Variants in ZNF880 observed in about 807,000 individuals in gnomAD.
The protein encoded by ZNF880 is zinc finger protein LOC400713.
ZNF880 carries 12 observed loss-of-function variants against 11.8 expected under a neutral mutation model. The ratio of observed to expected loss-of-function variants is 1.02; its 90% CI spans 0.65 to 1.65. The LOEUF (loss-of-function observed/expected upper bound fraction) is 1.65. Ranked by LOEUF, ZNF880 falls within the 40% of genes most tolerant of loss-of-function variation. The pLI is 0.00. For synonymous variants in ZNF880, 210 were observed against 232.4 expected (o/e 0.90, Z 0.88); for missense variants, 601 against 673.9 (o/e 0.89, Z 1.20).
At chr19:52,387,710 A>G (rs1986923509), downstream of ZNF880, among the ~76,000 whole-genome samples, 1 of 143,094 alleles carries the variant, frequency 7.0e-6, no homozygotes, top group African/African-American at 2.7e-5. Context: ...CGGCCTCCCA[A>G]AGTGCTAGGA....
chr19:52,367,318 T>G (rs1986157501), upstream of ZNF880: 1 of 152,584 alleles, frequency 6.6e-6, no homozygotes, highest in African/African-American at 2.4e-5. Context: ...CGAGACGGGG[T>G]TTCCCTCCGT....
chr19:52,392,163 A>G, the ZNF880 span, among the ~76,000 whole-genome samples: 1 of 152,184 alleles, frequency 6.6e-6, no homozygotes, highest in East Asian at 1.9e-4. Flanking sequence ...ATTTGTTATA[A>G]AGGATGTTAC....
downstream of ZNF880, among the ~76,000 whole-genome samples, chr19:52,387,586 C>T (rs75663652): frequency 7.6e-3 from 1,077 of 141,410 alleles, 126 homozygotes; most frequent in East Asian, 0.084. Context: ...ATAGCTGGGA[C>T]TACAGGCGCA....
chr19:52,374,189 C>T, intron 2 of ZNF880, 110 bp from the exon 3 acceptor site: 10 of 939,688 alleles, frequency 1.1e-5, no homozygotes, highest in East Asian at 5.4e-5. Context: ...GGACTACAGG[C>T]ACCCGCCACC....
In ZNF880 at chr19:52,385,354, G is replaced by A; in HGVS notation, c.*40G>A. ...GATCTTTAGTAATAATTCACACCTTGCACAGCATGAGATAATTCATTCATG... is the reference window on the plus strand; with the variant it reads ...GATCTTTAGTAATAATTCACACCTTACACAGCATGAGATAATTCATTCATG... On this transcript the variant is annotated 3_prime_UTR_variant, in exon 4 of 4. Transcript: ENST00000422689. 1 of 1,536,086 alleles carries A rather than the reference G, an allele frequency of 6.5e-7. No individual in the cohort carries two copies. Among genetic ancestry groups the A allele is most frequent in the Non-Finnish European group, 8.8e-7 (1 of 1,136,044 alleles).
chr19:52,384,179 C>A lies in ZNF880; in HGVS notation c.599C>A (p.Ala200Asp), dbSNP rs777891763. The A allele has an allele frequency of 6.2e-7, 1 of 1,610,268 alleles. No homozygotes were observed. Among genetic ancestry groups the A allele is most frequent in the African/African-American group, 1.3e-5 (1 of 74,964 alleles). Residue 200 changes from alanine to aspartate, a missense_variant, in exon 4 of 4, where the codon GCT (alanine) becomes GAT (aspartate). Transcript: ENST00000422689. ...GKAFRVSSRL[A>D]NNQVIHTADN... ...GCCTTTAGAGTGTCTTCAAGACTTG[C>A]TAACAATCAAGTAATCCACACTGCA...
chr19:52,367,989 A>G (rs896314960), upstream of ZNF880, among the ~76,000 whole-genome samples: 2 of 151,948 alleles, frequency 1.3e-5, no homozygotes, highest in Admixed American at 6.6e-5. Context: ...TCACGAGGTC[A>G]GGAGATTGAG....
upstream of ZNF880, among the ~76,000 whole-genome samples, chr19:52,369,226 G>T (rs1986266485): frequency 6.6e-6 from 1 of 151,406 alleles, no homozygotes; most frequent in African/African-American, 2.4e-5. Flanking sequence ...GCCCGGTGTG[G>T]TGGTGGGCGC....
In ZNF880 at chr19:52,383,922, A is replaced by G; in HGVS notation, c.342A>G (p.Leu114=). ...ATCAACTTGGATTAACCTTTCAGTT[A>G]CATCTGAGTGAACTGCAGCTATTTC... ...LKNQLGLTFQ[L]HLSELQLFQA... is the part of the protein sequence containing the mutation. Residue 114 remains leucine (L), a synonymous_variant, in exon 4 of 4, where the codon TTA becomes TTG. Transcript: ENST00000422689. 6.4e-7 allele frequency: 1 copy of G among 1,561,596 alleles called. No individual in the cohort carries two copies. Among genetic ancestry groups the G allele is most frequent in the East Asian group, 2.4e-5 (1 of 42,208 alleles).
chr19:52,383,013 A>G (rs767820179), intron 3 of ZNF880, among the ~76,000 whole-genome samples: 7 of 152,150 alleles, frequency 4.6e-5, no homozygotes, highest in Non-Finnish European at 2.9e-5. Context: ...TTTGAATAAC[A>G]TATCTTTCAA....
chr19:52,393,833 C>G, the ZNF880 span, among the ~76,000 whole-genome samples: 1 of 145,700 alleles, frequency 6.9e-6, no homozygotes, highest in Non-Finnish European at 1.5e-5. Context: ...TTTGCCCCCC[C>G]CCTTTTTTTT....
At chr19:52,369,897 T>G, upstream of ZNF880, 4 of 1,549,448 alleles carry the variant, frequency 2.6e-6, no homozygotes, top group Non-Finnish European at 3.5e-6. Flanking sequence ...GGGCCTGGCC[T>G]CGCCTCGCCT....
In ZNF880 at chr19:52,384,992, A is replaced by G. The variant is rs55748277; in HGVS notation, c.1412A>G (p.Lys471Arg). The change falls in exon 4 of 4, where the codon AAG becomes AGG. Residue 471 changes from lysine to arginine, a missense_variant. By Grantham distance (26) the Lys-to-Arg change is conservative. This residue lies in a region of ZNF880 where 177 missense variants were observed against 214.5 expected (regional missense o/e 0.83). Coordinates refer to ENST00000422689, the MANE Select transcript of ZNF880 (RefSeq NM_001145434.2). ...CCTTACAGATGTGATGAATGTGGCA[A>G]GGACTTCACTCGAAATTCAAACCTT... ...EKPYRCDECGKDFTRNSNLAN... is the reference protein window; with the variant it reads ...EKPYRCDECGRDFTRNSNLAN... 0.39 allele frequency: 610,732 copies of G among 1,568,062 alleles called. 120,531 individuals carry two copies. Among genetic ancestry groups the G allele is most frequent in the South Asian group, 0.52 (44,828 of 85,700 alleles).
chr19:52,390,298 C>T (rs114127287), downstream of ZNF880: 3,342 of 382,208 alleles, frequency 8.7e-3, 105 homozygotes, highest in African/African-American at 0.064. Context: ...TCCGCTCCCT[C>T]GTCAGCTCCT....
chr19:52,376,817 C>G (rs2122372843), intron 3 of ZNF880, among the ~76,000 whole-genome samples: 1 of 152,090 alleles, frequency 6.6e-6, no homozygotes, highest in East Asian at 1.9e-4. Flanking sequence ...GCCCTTAGCC[C>G]ACTTTTTGAT....
In ZNF880 at chr19:52,384,615, T is replaced by C. The variant is rs781502901; in HGVS notation, c.1035T>C (p.Ile345=). The C allele has an allele frequency of 6.2e-6, 10 of 1,611,736 alleles. No homozygotes were observed. The East Asian group carries it at 2.0e-4, about 32-fold the overall frequency. Residue 345 remains isoleucine (I), a synonymous_variant, in exon 4 of 4, where the codon ATT becomes ATC. Coordinates refer to ENST00000422689, the MANE Select transcript of ZNF880 (RefSeq NM_001145434.2). ...CAGGCCTTACTGCTCATCTTGTAAT[T>C]CACACTGGAGAGAAACTTTACAAAT... ...GGSGLTAHLV[I]HTGEKLYKCN... is the part of the protein sequence containing the mutation.
At chr19:52,373,511 G>A (rs896480277) in intron 2 of ZNF880, among the ~76,000 whole-genome samples, 3 of 151,968 alleles carry the variant, frequency 2.0e-5, no homozygotes, top group South Asian at 2.1e-4. Flanking sequence ...TTAAGTATGC[G>A]TCAAACCTTA....
intron 1 of ZNF880, among the ~76,000 whole-genome samples, chr19:52,371,209 A>G (rs938603338): frequency 1.3e-5 from 2 of 152,148 alleles, no homozygotes; most frequent in African/African-American, 2.4e-5. Context: ...TAGTGAGTCT[A>G]TGGCTGTAAG....
In ZNF880 at chr19:52,384,623, G is replaced by A. The variant is rs1486981854; in HGVS notation, c.1043G>A (p.Gly348Glu). Reference sequence around the variant, plus strand: ...ACTGCTCATCTTGTAATTCACACTGGAGAGAAACTTTACAAATGTAATAAA... The same window carrying A: ...ACTGCTCATCTTGTAATTCACACTGAAGAGAAACTTTACAAATGTAATAAA... ...GLTAHLVIHT[G>E]EKLYKCNKCG... The change falls in exon 4 of 4, where the codon GGA (glycine) becomes GAA (glutamate). Residue 348 changes from glycine to glutamate, a missense_variant. By Grantham distance (98) the Gly-to-Glu change is moderately conservative. This residue lies in a region of ZNF880 where 420 missense variants were observed against 442.6 expected (regional missense o/e 0.95). Coordinates refer to ENST00000422689, the MANE Select transcript of ZNF880 (RefSeq NM_001145434.2). 11 of 1,611,864 alleles carry A rather than the reference G, an allele frequency of 6.8e-6. No individual in the cohort carries two copies. Among genetic ancestry groups the A allele is most frequent in the Non-Finnish European group, 9.3e-6 (11 of 1,178,778 alleles).
Sources: gnomAD v4.1 joint callset for allele counts (sites outside exome capture counted in the v4.1 genomes callset) on GRCh38, gnomAD v4.1.1 for gene constraint, gnomAD v4.1.1 regional missense constraint, MANE v1.5 for transcripts, NCBI Gene and HGNC (gene_info 2026-07-23, HGNC 2026-07-21) for gene names.